RHOH: variants seen among roughly 807,000 people sequenced by gnomAD.
The protein encoded by RHOH is ras homolog family member H.
Under a neutral mutation model 13.8 loss-of-function variants are expected in RHOH, and 6 were observed. The observed-to-expected ratio is 0.44, with a 90% confidence interval of 0.24 to 0.86. The LOEUF (loss-of-function observed/expected upper bound fraction) is 0.86, where lower values mean the gene tolerates loss of function less well. Among genes scored for constraint, RHOH ranks in the 40% least tolerant of loss-of-function variants. The pLI is 0.24. For missense variants in RHOH, 147 were observed against 244.5 expected, an observed-to-expected ratio of 0.60 and a Z score of 2.66; for synonymous variants, 117 against 103.0, an observed-to-expected ratio of 1.14 and a Z score of -0.82.
chr4:40,206,584 TTGCTGAA>T (rs1724665983), intron 1 of RHOH, among the ~76,000 whole-genome samples: 1 of 43,444 alleles, frequency 2.3e-5, no homozygotes, highest in Non-Finnish European at 6.6e-5. Context: ...GGGCAGTAAC[TTGCTGAA>T]AATTATATCA....
intron 1 of RHOH, among the ~76,000 whole-genome samples, chr4:40,224,671 A>G (rs1727014152): frequency 6.6e-6 from 1 of 152,268 alleles, no homozygotes; most frequent in Non-Finnish European, 1.5e-5. Flanking sequence ...GCCAAGTTGC[A>G]TCTTCAGCTT....
At chr4:40,236,630 AAAAT>A (rs10617739) in intron 1 of RHOH, among the ~76,000 whole-genome samples, 64,456 of 151,548 alleles carry the variant, frequency 0.43, 16,465 homozygotes, top group Non-Finnish European at 0.57. Context: ...CTCAACTAAA[AAAAT>A]ACAAAAATTA....
At chr4:40,235,820 A>C (rs1460665175) in intron 1 of RHOH, among the ~76,000 whole-genome samples, 1 of 151,756 alleles carries the variant, frequency 6.6e-6, no homozygotes, top group African/African-American at 2.4e-5. Flanking sequence ...ACAAAAATAA[A>C]AAATAAAAAT....
At chr4:40,202,174 TG>T (rs1402755549) in intron 1 of RHOH, among the ~76,000 whole-genome samples, 1 of 152,058 alleles carries the variant, frequency 6.6e-6, no homozygotes, top group African/African-American at 2.4e-5. Context: ...CTCCATCTCC[TG>T]GGATCAAGTG....
chr4:40,214,173 A>G (rs531879878), intron 1 of RHOH, among the ~76,000 whole-genome samples: 1 of 152,334 alleles, frequency 6.6e-6, no homozygotes, highest in East Asian at 1.9e-4. Context: ...AGATGGTGGT[A>G]CGGGTGGCAC....
intron 1 of RHOH, among the ~76,000 whole-genome samples, chr4:40,217,634 A>C (rs557005093): frequency 4.6e-5 from 7 of 152,368 alleles, no homozygotes; most frequent in Admixed American, 4.6e-4. Context: ...GTTCTACAAT[A>C]GTAAGGAATT....
At chr4:40,240,607 T>C (rs1729128835) in intron 1 of RHOH, among the ~76,000 whole-genome samples, 1 of 150,968 alleles carries the variant, frequency 6.6e-6, no homozygotes, top group Admixed American at 6.6e-5. Flanking sequence ...TGAAACCCTG[T>C]CTGTACTAAA....
chr4:40,224,488 G>A (rs1726989966), intron 1 of RHOH, among the ~76,000 whole-genome samples: 1 of 152,232 alleles, frequency 6.6e-6, no homozygotes, highest in Non-Finnish European at 1.5e-5. Flanking sequence ...AGGATGGAGT[G>A]GTGCAAGGGG....
At chr4:40,222,846 C>G (rs1173335705) in intron 1 of RHOH, among the ~76,000 whole-genome samples, 1 of 152,194 alleles carries the variant, frequency 6.6e-6, no homozygotes, top group Non-Finnish European at 1.5e-5. Context: ...CTGAAAGGAT[C>G]TACCATTTTA....
chr4:40,236,813 A>G (rs1175544625), intron 1 of RHOH, among the ~76,000 whole-genome samples: 1 of 152,042 alleles, frequency 6.6e-6, no homozygotes, highest in African/African-American at 2.4e-5. Context: ...TAACTTACCT[A>G]TACCTTACGT....
intron 1 of RHOH, among the ~76,000 whole-genome samples, chr4:40,234,744 C>CTTTTTTTTT (rs549802852): frequency 2.0e-5 from 2 of 101,100 alleles, no homozygotes; most frequent in African/African-American, 7.8e-5. Flanking sequence ...AAATCAGCAT[C>CTTTTTTTTT]TTTTTTTTTT....
chr4:40,191,635 C>T (rs1264411103), upstream of RHOH, among the ~76,000 whole-genome samples: 9 of 152,238 alleles, frequency 5.9e-5, no homozygotes, highest in East Asian at 5.8e-4. Flanking sequence ...TATCATCTTC[C>T]GCAACAAGAC....
rs1481384476 is a variant in RHOH, at chr4:40,245,419, G to C, written c.*1457G>C. On this transcript the variant is annotated 3_prime_UTR_variant, in exon 3 of 3. Coordinates refer to ENST00000381799, the MANE Select transcript of RHOH (RefSeq NM_004310.5). ...CTGGGTGTGGTGGCACATGCCTGTA[G>C]TTCTAGCTACTCAAGAGGCTGAGGC... The C allele has an allele frequency of 6.6e-6, 1 of 151,750 alleles. No individual in the cohort carries two copies. Among genetic ancestry groups the C allele is most frequent in the Admixed American group, 6.6e-5 (1 of 15,188 alleles). 9.4% of individuals were successfully genotyped at this position (151,750 alleles called of 1,614,324 possible). A position where few individuals can be genotyped will look rare whatever the true frequency, so the allele number is the denominator to read the frequency against.
chr4:40,193,917 G>T (rs4974972), upstream of RHOH: 23,447 of 152,150 alleles, frequency 0.15, 2,110 homozygotes, highest in South Asian at 0.32. Context: ...ATGGTACAAG[G>T]CCTGAGGCCT....
At chr4:40,201,946 T>TTTTC (rs2109361073) in intron 1 of RHOH, among the ~76,000 whole-genome samples, 1 of 86,884 alleles carries the variant, frequency 1.2e-5, no homozygotes, top group Non-Finnish European at 2.2e-5. Flanking sequence ...ACTCCATGAG[T>TTTTC]TTTTTTTTTT....
chr4:40,210,444 T>C (rs1180507518), intron 1 of RHOH, among the ~76,000 whole-genome samples: 2 of 152,076 alleles, frequency 1.3e-5, no homozygotes, highest in East Asian at 1.9e-4. Context: ...ACGGGAAGGT[T>C]GGGGTGGAAA....
intron 1 of RHOH, among the ~76,000 whole-genome samples, chr4:40,221,418 G>A (rs565502458): frequency 2.0e-4 from 31 of 152,170 alleles, no homozygotes; most frequent in Middle Eastern, 6.8e-3. Context: ...CGAGTCTATC[G>A]GCACCATTTT....
chr4:40,244,431 T>C lies in RHOH; in HGVS notation c.*469T>C, dbSNP rs1579356315. 9.0e-6 allele frequency: 2 copies of C among 221,068 alleles called. No homozygotes were observed. The highest frequency in any genetic ancestry group is 1.9e-4 in the South Asian group (1 of 5,298). 13.7% of individuals were successfully genotyped at this position (221,068 alleles called of 1,614,324 possible). A position where few individuals can be genotyped will look rare whatever the true frequency, so the allele number is the denominator to read the frequency against. ...GCTCTGCCATATGTTTGTAGTGTTATTATTTTCACCTCAAGTAGAAAGTCT... is the reference window on the plus strand; with the variant it reads ...GCTCTGCCATATGTTTGTAGTGTTACTATTTTCACCTCAAGTAGAAAGTCT... On this transcript the variant is annotated 3_prime_UTR_variant, in exon 3 of 3. Coordinates refer to ENST00000381799, the MANE Select transcript of RHOH (RefSeq NM_004310.5).
At chr4:40,194,891 G>T (rs1722967776), upstream of RHOH, among the ~76,000 whole-genome samples, 1 of 152,208 alleles carries the variant, frequency 6.6e-6, no homozygotes, top group South Asian at 2.1e-4. Flanking sequence ...TCTAAACATG[G>T]TGTTTCACTT....
Sources: gnomAD v4.1 joint callset for allele counts (sites outside exome capture counted in the v4.1 genomes callset) on GRCh38, gnomAD v4.1.1 for gene constraint, MANE v1.5 for transcripts, NCBI Gene and HGNC (gene_info 2026-07-23, HGNC 2026-07-21) for gene names.